Variants in ATG3 observed in about 807,000 individuals in gnomAD.
ATG3 encodes ubiquitin-like-conjugating enzyme ATG3.
In ATG3, 25 loss-of-function variants were observed where a neutral mutation model predicts 50.7. The ratio of observed to expected loss-of-function variants is 0.49; its 90% CI spans 0.36 to 0.69. The LOEUF is 0.69. Ranked by LOEUF, ATG3 falls within the 30% of genes least tolerant of loss-of-function variation. ATG3 has a pLI of 0.00. For synonymous variants in ATG3, 119 were observed against 125.5 expected (o/e 0.95, Z 0.34); for missense variants, 281 against 376.0 (o/e 0.75, Z 2.09).
chr3:112,553,224 T>G (rs767034209), intron 3 of ATG3, 56 bp downstream of exon 3: 7 of 1,476,114 alleles, frequency 4.7e-6, no homozygotes, highest in Non-Finnish European at 6.6e-6. Context: ...CAAATTGCTA[T>G]AATTCTGAAG....
At chr3:112,534,431 ACT>A (rs1295947052) in intron 10 of ATG3, 94 bp from the exon 11 acceptor site, 11 of 900,544 alleles carry the variant, frequency 1.2e-5, no homozygotes, top group South Asian at 9.3e-5. Flanking sequence ...CGACCCTATT[ACT>A]CTCAGTGAAT....
intron 6 of ATG3, 60 bp downstream of exon 6, chr3:112,543,997 A>G (rs1175772274): frequency 4.7e-6 from 6 of 1,276,560 alleles, no homozygotes; most frequent in Non-Finnish European, 4.5e-6. Context: ...GTGTGTATAG[A>G]TAGATAGATA....
At chr3:112,539,395 C>T (rs1201516331) in intron 7 of ATG3, among the ~76,000 whole-genome samples, 3 of 152,128 alleles carry the variant, frequency 2.0e-5, no homozygotes, top group Non-Finnish European at 2.9e-5. Flanking sequence ...ATAAGCCAAA[C>T]GTGTTCCCAC....
At chr3:112,541,233 C>T (rs1344676167) in intron 7 of ATG3, among the ~76,000 whole-genome samples, 2 of 151,662 alleles carry the variant, frequency 1.3e-5, no homozygotes, top group African/African-American at 4.9e-5. Context: ...CTAAAAATAC[C>T]AAAATTAGCT....
intron 7 of ATG3, among the ~76,000 whole-genome samples, chr3:112,540,416 G>T (rs933871059): frequency 1.4e-4 from 21 of 152,286 alleles, no homozygotes; most frequent in African/African-American, 4.6e-4. Context: ...CTGCCTTACA[G>T]CCTTCAATGC....
intron 2 of ATG3, among the ~76,000 whole-genome samples, chr3:112,555,687 T>A (rs966774527): frequency 1.3e-5 from 2 of 152,172 alleles, no homozygotes; most frequent in Admixed American, 6.5e-5. Context: ...GTATATAATA[T>A]TTACACAAAG....
rs141891706 is a variant in ATG3 at position 112,543,145 on chromosome 3, A to G, written c.393+912T>C. Among the ~76,000 whole-genome samples, 420 of 152,250 alleles carry G rather than the reference A, an allele frequency of 2.8e-3. 1 individual carries two copies. The highest frequency in any genetic ancestry group is 8.3e-3 in the South Asian group (40 of 4,834). ...AGATCCAAATGACAAAAACACACAA[A>G]GAATATCTTTAGTAACTGTTGTAGC... is the stretch of plus-strand genomic sequence containing the variant. On this transcript the variant is annotated intron_variant, in intron 6 of 11. Transcript: ENST00000283290.
intron 1 of ATG3, among the ~76,000 whole-genome samples, chr3:112,560,749 G>GT (rs2107397838): frequency 6.6e-6 from 1 of 152,186 alleles, no homozygotes; most frequent in East Asian, 1.9e-4. Flanking sequence ...AGTCACTACT[G>GT]TAACAGCTAA....
rs368104402 is a variant in ATG3, at chr3:112,536,644, G to A, written c.667-42C>T. ...TGCTTTGAAATTACTATTTAAGGCC[G>A]GGTGCAGTGGCTCACGCCTGTAATC... On this transcript the variant is annotated intron_variant, in intron 9 of 11. Coordinates refer to ENST00000283290, the MANE Select transcript of ATG3 (RefSeq NM_022488.5). 1.1e-4 allele frequency: 181 copies of A among 1,605,766 alleles called. No homozygotes were observed. In the African/African-American group the frequency reaches 2.1e-3, roughly 18 times the overall value.
chr3:112,534,738 C>T (rs1932978371), intron 10 of ATG3: 1 of 147,452 alleles, frequency 6.8e-6, no homozygotes, highest in Non-Finnish European at 1.5e-5. Flanking sequence ...GGAATGATAG[C>T]TGTTTGCTCT....
intron 7 of ATG3, among the ~76,000 whole-genome samples, chr3:112,538,522 C>T (rs2107370417): frequency 6.6e-6 from 1 of 152,314 alleles, no homozygotes; most frequent in African/African-American, 2.4e-5. Flanking sequence ...ATTGACCTAT[C>T]AGGAACATGT....
At chr3:112,539,404 A>G (rs1327816045) in intron 7 of ATG3, among the ~76,000 whole-genome samples, 2 of 152,032 alleles carry the variant, frequency 1.3e-5, no homozygotes, top group South Asian at 2.1e-4. Context: ...ACGTGTTCCC[A>G]CCTCAGTACC....
At chr3:112,558,264 A>G (rs1163409257) in intron 2 of ATG3, 112 bp downstream of exon 2, 6 of 785,346 alleles carry the variant, frequency 7.6e-6, no homozygotes, top group Non-Finnish European at 1.2e-5. Context: ...ATAAAACCTA[A>G]TTTTACTCAA....
Position 112,537,719 on chromosome 3 carries a change from T to G in ATG3, c.666+16A>C. 1.3e-6 allele frequency: 2 copies of G among 1,526,432 alleles called. No individual in the cohort carries two copies. Among genetic ancestry groups the G allele is most frequent in the East Asian group, 2.3e-5 (1 of 43,324 alleles). 94.6% of individuals were successfully genotyped at this position (1,526,432 alleles called of 1,614,324 possible). Reference sequence around the variant, plus strand: ...TTAAAATATTGATATTAAAATATAATGCTTTTCATTTTTACCTCATCATAG... The same window carrying G: ...TTAAAATATTGATATTAAAATATAAGGCTTTTCATTTTTACCTCATCATAG... On this transcript the variant is annotated intron_variant, in intron 9 of 11. Transcript: ENST00000283290.
At position 112,536,618 on chromosome 3, in the gene ATG3, A is replaced by G; in HGVS notation, c.667-16T>C. On this transcript the variant is annotated splice_polypyrimidine_tract_variant and intron_variant, in intron 9 of 11. Transcript: ENST00000283290. ...GCTGCCGTTGCTGAAAGCATAAAAA[A>G]TGCTTTGAAATTACTATTTAAGGCC... is the stretch of plus-strand genomic sequence containing the variant. 1 of 1,612,140 alleles carries G rather than the reference A, an allele frequency of 6.2e-7. No individual in the cohort carries two copies. Among genetic ancestry groups the G allele is most frequent in the South Asian group, 1.1e-5 (1 of 91,068 alleles).
At chr3:112,544,658 G>GAGAAAAAAAAA (rs1553738120) in intron 5 of ATG3, among the ~76,000 whole-genome samples, 2 of 64,100 alleles carry the variant, frequency 3.1e-5, no homozygotes, top group African/African-American at 8.4e-5. Context: ...CCGTCTCAGG[G>GAGAAAAAAAAA]AAAAAAAAAA....
intron 7 of ATG3, 196 bp from the exon 8 acceptor site, chr3:112,538,376 G>GT: frequency 1.9e-6 from 1 of 534,828 alleles, no homozygotes; most frequent in South Asian, 2.5e-5. Flanking sequence ...AAGCCAGCAT[G>GT]TTTAAGGCTT....
intron 6 of ATG3, chr3:112,543,847 T>TAAG (rs1438835560): frequency 2.6e-6 from 1 of 385,378 alleles, no homozygotes; most frequent in African/African-American, 2.1e-5. Context: ...TTAAGGAAAA[T>TAAG]AAGAGATGCA....
chr3:112,559,000 A>G (rs1387961218), intron 1 of ATG3, among the ~76,000 whole-genome samples: 1 of 152,142 alleles, frequency 6.6e-6, no homozygotes, highest in Non-Finnish European at 1.5e-5. Context: ...CGGCCTCCCA[A>G]TGTGCTGGGA....
Sources: allele counts gnomAD v4.1 joint callset (sites outside exome capture counted in the v4.1 genomes callset), GRCh38; gene constraint gnomAD v4.1.1; transcripts MANE v1.5; gene names NCBI Gene and HGNC (gene_info 2026-07-23, HGNC 2026-07-21).